Variants in GABRG3 observed in about 807,000 individuals in gnomAD.
GABRG3 encodes gamma-aminobutyric acid receptor subunit gamma-3.
A neutral mutation model predicts 48.8 loss-of-function variants in GABRG3; 25 were observed. The ratio of observed to expected loss-of-function variants is 0.51; its 90% CI spans 0.37 to 0.72. The LOEUF (loss-of-function observed/expected upper bound fraction) is 0.72. Ranked by LOEUF, GABRG3 falls within the 30% of genes least tolerant of loss-of-function variation. The probability of loss-of-function intolerance (pLI) is 0.00; values close to 1 mark genes in which losing one functional copy is unlikely to be tolerated. For synonymous variants in GABRG3, 227 were observed against 217.6 expected, an observed-to-expected ratio of 1.04 and a Z score of -0.38; for missense variants, 394 against 577.9, an observed-to-expected ratio of 0.68 and a Z score of 3.26.
At position 27,527,348 on chromosome 15, in the gene GABRG3, C is replaced by G. The variant is rs1194200937; in HGVS notation, c.866-85C>G. Reference sequence around the variant, plus strand: ...CAGGGATTCCTGTAAGGCAGCCGTGCTGGGGTGGAGGGATGTGGGTGACCG... The same window carrying G: ...CAGGGATTCCTGTAAGGCAGCCGTGGTGGGGTGGAGGGATGTGGGTGACCG... On this transcript the variant is annotated intron_variant, in intron 7 of 9. Transcript: ENST00000615808. 7.9e-6 allele frequency: 10 copies of G among 1,271,244 alleles called. No individual in the cohort carries two copies. In the Admixed American group the frequency reaches 1.9e-4, roughly 24 times the overall value. 78.7% of individuals were successfully genotyped at this position (1,271,244 alleles called of 1,614,324 possible). A position where few individuals can be genotyped will look rare whatever the true frequency, so the allele number is the denominator to read the frequency against.
intron 5 of GABRG3, 122 bp from the exon 6 acceptor site, chr15:27,480,528 G>A (rs1022736279): frequency 3.7e-5 from 33 of 887,782 alleles, no homozygotes; most frequent in Admixed American, 3.4e-4. Context: ...AATTGAGAGT[G>A]CACATATGGC....
intron 3 of GABRG3, among the ~76,000 whole-genome samples, chr15:27,202,220 CT>C: frequency 6.6e-6 from 1 of 152,138 alleles, no homozygotes; most frequent in South Asian, 2.1e-4. Context: ...TTTTTGTTTC[CT>C]TTTTATAAGG....
intron 3 of GABRG3, among the ~76,000 whole-genome samples, chr15:27,098,502 TATG>T (rs1897303680): frequency 6.6e-6 from 1 of 152,192 alleles, no homozygotes; most frequent in Non-Finnish European, 1.5e-5. Flanking sequence ...ATTTTGAAGA[TATG>T]ATATCCTTTT....
At chr15:27,220,428 G>A (rs1889412597) in intron 3 of GABRG3, among the ~76,000 whole-genome samples, 1 of 152,072 alleles carries the variant, frequency 6.6e-6, no homozygotes, top group South Asian at 2.1e-4. Context: ...AGGTCACCAG[G>A]GTAAGCCACA....
intron 5 of GABRG3, among the ~76,000 whole-genome samples, chr15:27,417,547 G>A (rs1372313766): frequency 6.6e-5 from 10 of 151,940 alleles, no homozygotes; most frequent in Admixed American, 1.3e-4. Flanking sequence ...CCATCACCCG[G>A]GGCTCAGGTG....
chr15:27,246,078 G>A (rs568478998), intron 3 of GABRG3, among the ~76,000 whole-genome samples: 1 of 151,964 alleles, frequency 6.6e-6, no homozygotes, highest in Non-Finnish European at 1.5e-5. Context: ...TCACTGCCAG[G>A]CACTCATGAG....
intron 3 of GABRG3, among the ~76,000 whole-genome samples, chr15:27,260,595 A>G (rs934587601): frequency 1.3e-5 from 2 of 152,288 alleles, no homozygotes; most frequent in Middle Eastern, 3.4e-3. Context: ...ACACCATGCC[A>G]TTTTATCTCA....
intron 3 of GABRG3, among the ~76,000 whole-genome samples, chr15:27,047,731 G>T (rs1423299097): frequency 6.6e-6 from 1 of 152,218 alleles, no homozygotes; most frequent in Non-Finnish European, 1.5e-5. Context: ...AAATGATATT[G>T]TCTTTGCTAT....
At chr15:27,422,030 C>T (rs1474612762) in intron 5 of GABRG3, among the ~76,000 whole-genome samples, 1 of 151,020 alleles carries the variant, frequency 6.6e-6, no homozygotes, top group African/African-American at 2.4e-5. Flanking sequence ...TGAGTATCCA[C>T]CAATACTGGG....
chr15:27,165,077 A>C (rs1276242812), intron 3 of GABRG3, among the ~76,000 whole-genome samples: 2 of 152,182 alleles, frequency 1.3e-5, no homozygotes, highest in Non-Finnish European at 2.9e-5. Context: ...TTACTAGTGA[A>C]ATTTGAAAAA....
intron 6 of GABRG3, among the ~76,000 whole-genome samples, chr15:27,501,949 GTT>G: frequency 6.6e-6 from 1 of 152,144 alleles, no homozygotes. Flanking sequence ...GCATACCCAT[GTT>G]GAAGCATTCT....
At chr15:27,254,596 G>C (rs776666675) in intron 3 of GABRG3, among the ~76,000 whole-genome samples, 1 of 152,066 alleles carries the variant, frequency 6.6e-6, no homozygotes, top group Non-Finnish European at 1.5e-5. Flanking sequence ...CCCACCTCCT[G>C]GTTTATAGGT....
At chr15:27,109,465 T>C (rs1403893444) in intron 3 of GABRG3, among the ~76,000 whole-genome samples, 10 of 152,240 alleles carry the variant, frequency 6.6e-5, no homozygotes, top group Non-Finnish European at 1.3e-4. Flanking sequence ...TTACCTCCGA[T>C]CCCCTGTGTT....
chr15:27,377,949 G>T (rs1348163311), intron 5 of GABRG3, among the ~76,000 whole-genome samples: 1 of 152,152 alleles, frequency 6.6e-6, no homozygotes, highest in African/African-American at 2.4e-5. Context: ...AATTCAGATA[G>T]CAAGTGAGTG....
chr15:27,403,872 G>T (rs1346855131), intron 5 of GABRG3, among the ~76,000 whole-genome samples: 1 of 134,234 alleles, frequency 7.4e-6, no homozygotes, highest in Non-Finnish European at 1.5e-5. Context: ...AGATCGCACC[G>T]CTGCACTTAA....
chr15:27,529,866 T>A (rs1891377877), intron 9 of GABRG3, among the ~76,000 whole-genome samples: 1 of 146,184 alleles, frequency 6.8e-6, no homozygotes, highest in African/African-American at 2.5e-5. Flanking sequence ...GAAAAAGATA[T>A]TATCACAAAA....
chr15:27,286,816 C>T (rs556592751), intron 3 of GABRG3, among the ~76,000 whole-genome samples: 2 of 152,172 alleles, frequency 1.3e-5, no homozygotes, highest in Non-Finnish European at 2.9e-5. Flanking sequence ...TTACCTATGG[C>T]AGGGAGAGCC....
chr15:27,078,625 G>A (rs1204068698), intron 3 of GABRG3, among the ~76,000 whole-genome samples: 1 of 152,222 alleles, frequency 6.6e-6, no homozygotes, highest in East Asian at 1.9e-4. Context: ...AACACCAGCT[G>A]TCACTGGTCA....
intron 5 of GABRG3, among the ~76,000 whole-genome samples, chr15:27,444,233 A>G (rs1277065544): frequency 6.6e-6 from 1 of 152,126 alleles, no homozygotes; most frequent in Non-Finnish European, 1.5e-5. Context: ...TCTTCTTACT[A>G]TGTAGTGATT....
Sources: allele counts gnomAD v4.1 joint callset (sites outside exome capture counted in the v4.1 genomes callset), GRCh38; gene constraint gnomAD v4.1.1; transcripts MANE v1.5; gene names NCBI Gene and HGNC (gene_info 2026-07-23, HGNC 2026-07-21).